Variants in GRIK4 observed in about 807,000 individuals in gnomAD.
The protein encoded by GRIK4 is glutamate receptor ionotropic, kainate 4.
A neutral mutation model predicts 104.9 loss-of-function variants in GRIK4; 40 were observed. The ratio of observed to expected loss-of-function variants is 0.38; its 90% CI spans 0.30 to 0.50. GRIK4 has a LOEUF of 0.50. GRIK4 is among the 20% of genes least tolerant of loss of function. The pLI is 0.93. For missense variants in GRIK4, 1,047 were observed against 1,308.1 expected, an observed-to-expected ratio of 0.80 and a Z score of 3.08; for synonymous variants, 485 against 524.9, an observed-to-expected ratio of 0.92 and a Z score of 1.04.
At chr11:120,971,426 A>C (rs1174919457) in intron 19 of GRIK4, among the ~76,000 whole-genome samples, 1 of 152,248 alleles carries the variant, frequency 6.6e-6, no homozygotes, top group Non-Finnish European at 1.5e-5. Flanking sequence ...TGGAGGAGGA[A>C]AAGTCTGGAA....
chr11:120,704,967 A>G (rs1230145120), intron 3 of GRIK4, among the ~76,000 whole-genome samples: 1 of 152,184 alleles, frequency 6.6e-6, no homozygotes, highest in East Asian at 1.9e-4. Context: ...TTCCCTAGTG[A>G]ATAGTCTTAG....
rs1947691694 is a variant in GRIK4 at position 120,513,943 on chromosome 11, C to G, written c.-159+2056C>G. 6.6e-6 allele frequency among the ~76,000 whole-genome samples: 1 copy of G among 152,292 alleles called. No individual in the cohort carries two copies. Among genetic ancestry groups the G allele is most frequent in the East Asian group, 1.9e-4 (1 of 5,184 alleles). On this transcript the variant is annotated intron_variant, in intron 1 of 20. Transcript: ENST00000527524. This position sits in a 1 kb window ranked among gnomAD's most constrained non-coding sequence, Gnocchi z 4.5. The stretch of plus-strand genomic sequence containing the variant: ...GGTCTGATTTCCACTTTGGTTTTCC[C>G]TTAGGATGGAGAGGGAACTTTAGTA...
intron 11 of GRIK4, among the ~76,000 whole-genome samples, chr11:120,876,515 C>G (rs1334226106): frequency 1.3e-5 from 2 of 149,888 alleles, no homozygotes; most frequent in Admixed American, 6.7e-5. Flanking sequence ...TTGTCATCAT[C>G]ATAGCAGCCT....
intron 3 of GRIK4, among the ~76,000 whole-genome samples, chr11:120,714,846 G>A (rs1349085686): frequency 6.6e-6 from 1 of 152,180 alleles, no homozygotes; most frequent in African/African-American, 2.4e-5. Context: ...GATCATAAAG[G>A]CTCTTAGGAG....
intron 15 of GRIK4, among the ~76,000 whole-genome samples, chr11:120,954,092 G>A (rs1178688048): frequency 1.3e-5 from 2 of 152,106 alleles, no homozygotes; most frequent in East Asian, 3.9e-4. Context: ...GGGGGCACTT[G>A]GGGATGGAGC....
Position 120,902,261 on chromosome 11 carries a change from G to A in GRIK4, c.1273-3029G>A, listed in dbSNP as rs1031284586. On this transcript the variant is annotated intron_variant, in intron 12 of 20. Transcript: ENST00000527524. This position sits in a 1 kb window ranked among gnomAD's most constrained non-coding sequence, Gnocchi z 4.5. Reference sequence around the variant, plus strand: ...TTCTGTATCAGACCCCGTGTTCAGCGGTTTGCCACATTCTCACCTCGCGTT... The same window carrying A: ...TTCTGTATCAGACCCCGTGTTCAGCAGTTTGCCACATTCTCACCTCGCGTT... Among the ~76,000 whole-genome samples the A allele has an allele frequency of 5.9e-5, 9 of 152,050 alleles. No individual in the cohort carries two copies. The highest frequency in any genetic ancestry group is 1.2e-4 in the Non-Finnish European group (8 of 68,002).
intron 7 of GRIK4, among the ~76,000 whole-genome samples, chr11:120,833,051 C>A (rs375790084): frequency 5.9e-4 from 90 of 152,242 alleles, no homozygotes; most frequent in East Asian, 1.9e-3. Context: ...GTGAGGAGCC[C>A]GCAGACACTC....
chr11:120,954,163 C>A (rs1944078199), intron 15 of GRIK4, among the ~76,000 whole-genome samples: 2 of 152,100 alleles, frequency 1.3e-5, no homozygotes, highest in African/African-American at 4.8e-5. Context: ...ACTTCCCAGA[C>A]TGCCAGAGAA....
intron 11 of GRIK4, among the ~76,000 whole-genome samples, chr11:120,886,831 C>T (rs963040433): frequency 1.3e-5 from 2 of 152,226 alleles, no homozygotes; most frequent in Non-Finnish European, 2.9e-5. Flanking sequence ...ACTTCATCTC[C>T]TGTTGATGTC....
At chr11:120,890,314 G>T (rs562443095) in intron 11 of GRIK4, among the ~76,000 whole-genome samples, 1 of 152,142 alleles carries the variant, frequency 6.6e-6, no homozygotes, top group African/African-American at 2.4e-5. Context: ...TGGGAGAGGA[G>T]GAAAAAAAAT....
intron 4 of GRIK4, among the ~76,000 whole-genome samples, chr11:120,811,639 T>C (rs1952830832): frequency 6.6e-6 from 1 of 152,044 alleles, no homozygotes; most frequent in Admixed American, 6.5e-5. Context: ...AGTGTATAAG[T>C]ACTCTCTGTA....
At chr11:120,740,293 C>A (rs947982689) in intron 3 of GRIK4, among the ~76,000 whole-genome samples, 1 of 152,194 alleles carries the variant, frequency 6.6e-6, no homozygotes, top group Non-Finnish European at 1.5e-5. Context: ...CGGCCATGCA[C>A]CTGCTGTTGA....
intron 1 of GRIK4, among the ~76,000 whole-genome samples, chr11:120,638,383 G>T (rs948486732): frequency 6.6e-6 from 1 of 152,174 alleles, no homozygotes; most frequent in Admixed American, 6.5e-5. Context: ...ACCTGCATGG[G>T]ATCACACAGC....
intron 1 of GRIK4, among the ~76,000 whole-genome samples, chr11:120,640,296 C>G (rs1258199380): frequency 6.6e-6 from 1 of 152,164 alleles, no homozygotes; most frequent in Non-Finnish European, 1.5e-5. Flanking sequence ...GAATTTCTGT[C>G]TCCCAAGAGG....
chr11:120,915,545 C>T (rs921332882), intron 13 of GRIK4, among the ~76,000 whole-genome samples: 4 of 152,032 alleles, frequency 2.6e-5, no homozygotes, highest in Non-Finnish European at 4.4e-5. Context: ...CCTCTGGAGC[C>T]GCAGCTGCCA....
At chr11:120,772,960 A>G (rs2135459616) in intron 3 of GRIK4, among the ~76,000 whole-genome samples, 1 of 152,340 alleles carries the variant, frequency 6.6e-6, no homozygotes, top group East Asian at 1.9e-4. Context: ...TATAAAGTTG[A>G]CAATAATAAA....
At chr11:120,835,305 A>T (rs11606105) in intron 7 of GRIK4, among the ~76,000 whole-genome samples, 28,465 of 152,196 alleles carry the variant, frequency 0.19, 2,746 homozygotes, top group African/African-American at 0.24. Context: ...AGGCAGGCAG[A>T]TCACTTGAGG....
intron 8 of GRIK4, among the ~76,000 whole-genome samples, chr11:120,838,345 T>C (rs1292042550): frequency 6.6e-6 from 1 of 152,228 alleles, no homozygotes; most frequent in Non-Finnish European, 1.5e-5. Flanking sequence ...TGGAATTCTG[T>C]AAGTAAAAAT....
chr11:120,981,578 G>A (rs758258610), intron 19 of GRIK4, among the ~76,000 whole-genome samples: 1 of 152,148 alleles, frequency 6.6e-6, no homozygotes, highest in Non-Finnish European at 1.5e-5. Flanking sequence ...CCACTCGTTT[G>A]GTGGGATAAA....
Sources: gnomAD v4.1 joint callset for allele counts (sites outside exome capture counted in the v4.1 genomes callset) on GRCh38, gnomAD v4.1.1 for gene constraint, Gnocchi (gnomAD v3.1) non-coding constraint, MANE v1.5 for transcripts, NCBI Gene and HGNC (gene_info 2026-07-23, HGNC 2026-07-21) for gene names.